The following DYRK1A variants were observed in gnomAD, a reference collection of about 807,000 sequenced individuals.
The protein encoded by DYRK1A is dual specificity tyrosine-phosphorylation-regulated kinase 1A.
In DYRK1A, 9 loss-of-function variants were observed where a neutral mutation model predicts 79.7. The observed-to-expected ratio is 0.11, with a 90% CI of 0.07 to 0.20. DYRK1A has a LOEUF of 0.20. Among genes scored for constraint, DYRK1A ranks in the 10% least tolerant of loss-of-function variants. DYRK1A has a pLI of 1.00. For synonymous variants in DYRK1A, 349 were observed against 329.7 expected (o/e 1.06, Z -0.63); for missense variants, 622 against 956.0 (o/e 0.65, Z 4.61).
At chr21:37,369,839 A>G (rs890235675) in intron 1 of DYRK1A, among the ~76,000 whole-genome samples, 5 of 152,244 alleles carry the variant, frequency 3.3e-5, no homozygotes, top group African/African-American at 4.8e-5. Flanking sequence ...CCTTTTAACA[A>G]TATTTTGGTG....
Position 37,518,629 on chromosome 21 carries a change from T to A in DYRK1A, c.*6098T>A, listed in dbSNP as rs1472702570. On this transcript the variant is annotated 3_prime_UTR_variant, in exon 12 of 12. Coordinates refer to ENST00000647188, the MANE Select transcript of DYRK1A (RefSeq NM_001347721.2). ...GAATCCAAGGACTTTTTTTTTTTTT[T>A]TTTTTGGAGACAGTCTTGCTTTGTC... 1 of 151,616 alleles carries A rather than the reference T, an allele frequency of 6.6e-6. No homozygotes were observed. Among genetic ancestry groups the A allele is most frequent in the Non-Finnish European group, 1.5e-5 (1 of 67,978 alleles). The allele number at this position is 151,616 out of a possible 1,614,324, so 9.4% of individuals were successfully genotyped here.
intron 2 of DYRK1A, among the ~76,000 whole-genome samples, chr21:37,458,755 G>T (rs1479880427): frequency 6.6e-6 from 1 of 152,198 alleles, no homozygotes; most frequent in Non-Finnish European, 1.5e-5. Flanking sequence ...AACTTTGCAC[G>T]CCGCAGAGGA....
intron 2 of DYRK1A, among the ~76,000 whole-genome samples, chr21:37,447,510 G>A (rs2148493153): frequency 6.6e-6 from 1 of 152,208 alleles, no homozygotes. Flanking sequence ...ATTGGTTTAT[G>A]TATTATATCT....
chr21:37,474,416 A>C (rs2052329267), intron 3 of DYRK1A, among the ~76,000 whole-genome samples: 1 of 152,248 alleles, frequency 6.6e-6, no homozygotes, highest in Non-Finnish European at 1.5e-5. Context: ...TTAAAGTAAT[A>C]ATACTCAGCC....
intron 2 of DYRK1A, among the ~76,000 whole-genome samples, chr21:37,442,550 T>A (rs997852087): frequency 6.6e-6 from 1 of 152,172 alleles, no homozygotes; most frequent in East Asian, 1.9e-4. Flanking sequence ...ATCATTCACA[T>A]TGTAGTTTTT....
At chr21:37,461,255 T>G (rs1231895602) in intron 2 of DYRK1A, among the ~76,000 whole-genome samples, 1 of 151,932 alleles carries the variant, frequency 6.6e-6, no homozygotes, top group East Asian at 1.9e-4. Flanking sequence ...AGTTATACAT[T>G]TATTTAAATT....
At chr21:37,487,065 C>T (rs1205001303) in intron 6 of DYRK1A, 1 of 152,468 alleles carries the variant, frequency 6.6e-6, no homozygotes, top group Non-Finnish European at 1.5e-5. Flanking sequence ...AGCTTGGCAG[C>T]ATTAGAAGCT....
chr21:37,496,014 G>C, intron 8 of DYRK1A, 104 bp from the exon 9 acceptor site: 1 of 1,119,668 alleles, frequency 8.9e-7, no homozygotes, highest in Non-Finnish European at 1.3e-6. Context: ...AGGAGTGCCA[G>C]ACACACAGGA....
intron 2 of DYRK1A, among the ~76,000 whole-genome samples, chr21:37,429,164 C>G (rs1336496993): frequency 6.6e-6 from 1 of 152,078 alleles, no homozygotes; most frequent in Non-Finnish European, 1.5e-5. Flanking sequence ...AAAAAGATAC[C>G]GAGATGTAAA....
chr21:37,385,011 TTG>T (rs1347977736), intron 1 of DYRK1A, among the ~76,000 whole-genome samples: 2 of 151,914 alleles, frequency 1.3e-5, no homozygotes, highest in Non-Finnish European at 2.9e-5. Context: ...CAGGATCAGA[TTG>T]TGGTTAATGT....
At chr21:37,440,195 G>A (rs148323707) in intron 2 of DYRK1A, among the ~76,000 whole-genome samples, 1 of 124,732 alleles carries the variant, frequency 8.0e-6, no homozygotes, top group African/African-American at 2.9e-5. Flanking sequence ...GAGTGCAGTG[G>A]TGTGATCTCG....
At chr21:37,491,626 T>C (rs2053099646) in intron 7 of DYRK1A, among the ~76,000 whole-genome samples, 2 of 152,164 alleles carry the variant, frequency 1.3e-5, no homozygotes, top group Admixed American at 1.3e-4. Context: ...TAAAGTAATT[T>C]TTAAAAATTG....
rs1278026641 is a variant in DYRK1A, at chr21:37,522,415, C to A, written c.*9884C>A. 1.3e-5 allele frequency: 2 copies of A among 152,294 alleles called. No homozygotes were observed. The highest frequency in any genetic ancestry group is 1.3e-4 in the Admixed American group (2 of 15,288). 9.4% of individuals were successfully genotyped at this position (152,294 alleles called of 1,614,324 possible). A position where few individuals can be genotyped will look rare whatever the true frequency, so the allele number is the denominator to read the frequency against. On this transcript the variant is annotated 3_prime_UTR_variant, in exon 12 of 12. Transcript: ENST00000647188. ...CAACTGACCAGCGACAGTCTGTCTT[C>A]TAGTCAGGCCTCTTTCCAGTTCTCC... is the stretch of plus-strand genomic sequence containing the variant.
intron 2 of DYRK1A, among the ~76,000 whole-genome samples, chr21:37,465,621 G>C (rs529197927): frequency 1.3e-5 from 2 of 152,250 alleles, no homozygotes; most frequent in South Asian, 2.1e-4. Flanking sequence ...TGGATCACCT[G>C]AGGTCAGGAG....
At chr21:37,445,995 C>T (rs1419986219) in intron 2 of DYRK1A, among the ~76,000 whole-genome samples, 1 of 152,152 alleles carries the variant, frequency 6.6e-6, no homozygotes, top group African/African-American at 2.4e-5. Context: ...AAAAAAACAA[C>T]ATTCTTACTG....
chr21:37,370,958 C>G (rs1026076609), intron 1 of DYRK1A, among the ~76,000 whole-genome samples: 1 of 152,078 alleles, frequency 6.6e-6, no homozygotes, highest in Non-Finnish European at 1.5e-5. Context: ...GACTTTTTAC[C>G]AGATGTTATC....
At chr21:37,459,235 T>G (rs2051759457) in intron 2 of DYRK1A, among the ~76,000 whole-genome samples, 1 of 152,214 alleles carries the variant, frequency 6.6e-6, no homozygotes, top group African/African-American at 2.4e-5. Context: ...CTTGAAAGAA[T>G]TAGTTCCTCT....
At chr21:37,510,142 C>T (rs1393752860) in intron 11 of DYRK1A, among the ~76,000 whole-genome samples, 1 of 152,178 alleles carries the variant, frequency 6.6e-6, no homozygotes, top group African/African-American at 2.4e-5. Flanking sequence ...GTCTCATTCA[C>T]ACATAGACAT....
At chr21:37,434,589 T>C (rs912178043) in intron 2 of DYRK1A, among the ~76,000 whole-genome samples, 26 of 152,250 alleles carry the variant, frequency 1.7e-4, no homozygotes, top group African/African-American at 5.1e-4. Flanking sequence ...GTAATGTCTT[T>C]TATTTACAGT....
Sources: allele counts gnomAD v4.1 joint callset (sites outside exome capture counted in the v4.1 genomes callset), GRCh38; gene constraint gnomAD v4.1.1; transcripts MANE v1.5; gene names NCBI Gene and HGNC (gene_info 2026-07-23, HGNC 2026-07-21).